NIBAN1: variants seen among roughly 807,000 people sequenced by gnomAD.
NIBAN1 encodes the protein protein Niban 1.
NIBAN1 carries 81 observed loss-of-function variants against 75.1 expected under a neutral mutation model. That is an observed-to-expected ratio of 1.08 (90% confidence interval 0.90 to 1.30). The LOEUF (loss-of-function observed/expected upper bound fraction) is 1.30. Ranked by LOEUF, NIBAN1 falls within the 50% of genes most tolerant of loss-of-function variation. NIBAN1 has a pLI of 0.00. For missense variants in NIBAN1, 1,133 were observed against 1,128.1 expected (o/e 1.00, Z -0.06); for synonymous variants, 436 against 424.8 (o/e 1.03, Z -0.32).
At chr1:184,892,635 T>C (rs1047159361) in intron 3 of NIBAN1, among the ~76,000 whole-genome samples, 2 of 152,218 alleles carry the variant, frequency 1.3e-5, no homozygotes, top group African/African-American at 4.8e-5. Flanking sequence ...TGGTAGCCTG[T>C]GAAATAAGTT....
chr1:184,815,423 T>C (rs1387656669), intron 9 of NIBAN1, among the ~76,000 whole-genome samples: 1 of 152,176 alleles, frequency 6.6e-6, no homozygotes, highest in African/African-American at 2.4e-5. Context: ...TTCACACTCC[T>C]GGAACTGTAC....
At chr1:184,942,837 C>T (rs1571592733) in intron 1 of NIBAN1, among the ~76,000 whole-genome samples, 1 of 152,270 alleles carries the variant, frequency 6.6e-6, no homozygotes, top group East Asian at 1.9e-4. Flanking sequence ...ACTGACAACG[C>T]AGCCAGCCCT....
At chr1:184,811,533 G>T (rs1356831604) in intron 9 of NIBAN1, among the ~76,000 whole-genome samples, 2 of 11,174 alleles carry the variant, frequency 1.8e-4, no homozygotes, top group Admixed American at 6.6e-4. Flanking sequence ...TTGAGACGGA[G>T]TCTCACTCTG....
intron 5 of NIBAN1, among the ~76,000 whole-genome samples, chr1:184,832,634 T>C (rs1655029874): frequency 2.0e-5 from 3 of 152,292 alleles, no homozygotes; most frequent in Middle Eastern, 3.4e-3. Context: ...AGGTGTGAAA[T>C]GTAGTCTGAC....
intron 2 of NIBAN1, among the ~76,000 whole-genome samples, chr1:184,896,854 G>A (rs1656812628): frequency 1.3e-5 from 2 of 152,050 alleles, no homozygotes; most frequent in Admixed American, 1.3e-4. Flanking sequence ...GTTGGTTGTA[G>A]GTATGTGGCT....
chr1:184,856,027 C>G lies in NIBAN1; in HGVS notation c.602-24065G>C, dbSNP rs116677322. Among the ~76,000 whole-genome samples the G allele has an allele frequency of 1.0e-2, 1,519 of 152,288 alleles. 22 individuals are homozygous for G. Among genetic ancestry groups the G allele is most frequent in the African/African-American group, 0.035 (1,448 of 41,558 alleles). ...AAAGCAAATGGGTTACGTAGTAATA[C>G]TGCTCTTTAAAAAGTGTTATTCTTC... On this transcript the variant is annotated intron_variant, in intron 5 of 13. Coordinates refer to ENST00000367511, the MANE Select transcript of NIBAN1 (RefSeq NM_052966.4).
intron 1 of NIBAN1, among the ~76,000 whole-genome samples, chr1:184,969,451 GAGA>G (rs755391373): frequency 1.3e-5 from 2 of 152,272 alleles, no homozygotes; most frequent in African/African-American, 4.8e-5. Context: ...TCAAAAGATG[GAGA>G]AGAAGTGCCC....
chr1:184,803,544 G>C, intron 12 of NIBAN1, 41 bp downstream of exon 12: 2 of 1,510,896 alleles, frequency 1.3e-6, no homozygotes, highest in Middle Eastern at 1.7e-4. Context: ...GAACTTCAGA[G>C]GTAAGAAGAG....
chr1:184,852,420 T>C (rs755322812), intron 5 of NIBAN1, among the ~76,000 whole-genome samples: 1 of 152,238 alleles, frequency 6.6e-6, no homozygotes, highest in East Asian at 1.9e-4. Flanking sequence ...GGTGCCCCAC[T>C]GCACTAGAAT....
intron 5 of NIBAN1, among the ~76,000 whole-genome samples, chr1:184,853,224 C>G (rs1480046969): frequency 6.6e-6 from 1 of 152,112 alleles, no homozygotes; most frequent in African/African-American, 2.4e-5. Context: ...GAAAAGCTAC[C>G]TTACTATTTC....
intron 1 of NIBAN1, among the ~76,000 whole-genome samples, chr1:184,965,728 C>T (rs1255237738): frequency 6.6e-6 from 1 of 152,178 alleles, no homozygotes; most frequent in South Asian, 2.1e-4. Flanking sequence ...ATGAAATAAT[C>T]TGTACAACAA....
chr1:184,806,533 T>A (rs906166968), intron 10 of NIBAN1, among the ~76,000 whole-genome samples: 1 of 152,096 alleles, frequency 6.6e-6, no homozygotes. Flanking sequence ...GTAGTTCAGG[T>A]ATCTTATTCT....
intron 2 of NIBAN1, among the ~76,000 whole-genome samples, chr1:184,894,679 T>A (rs1656753896): frequency 6.6e-6 from 1 of 152,122 alleles, no homozygotes; most frequent in Non-Finnish European, 1.5e-5. Context: ...TGCCTCCAAT[T>A]CTCAATGGTT....
chr1:184,867,528 C>T (rs1423086362), intron 5 of NIBAN1, among the ~76,000 whole-genome samples: 1 of 152,148 alleles, frequency 6.6e-6, no homozygotes, highest in Non-Finnish European at 1.5e-5. Flanking sequence ...ATCCTCCTCA[C>T]TAGGGATTTA....
At chr1:184,927,569 C>T (rs191503225) in intron 1 of NIBAN1, among the ~76,000 whole-genome samples, 2 of 152,248 alleles carry the variant, frequency 1.3e-5, no homozygotes, top group Admixed American at 6.5e-5. Context: ...CACCCAGTGA[C>T]CACCACCACT....
chr1:184,802,701 G>A (rs1267386708), intron 12 of NIBAN1, among the ~76,000 whole-genome samples: 2 of 152,146 alleles, frequency 1.3e-5, no homozygotes, highest in African/African-American at 4.8e-5. Context: ...CTGCCAAAAA[G>A]CCCTTTTTTA....
At chr1:184,972,888 A>G (rs234106) in intron 1 of NIBAN1, among the ~76,000 whole-genome samples, 81,168 of 152,066 alleles carry the variant, frequency 0.53, 22,937 homozygotes, top group African/African-American at 0.7. Context: ...ATGCGTCCAC[A>G]TTAGGTGCTC....
Position 184,898,483 on chromosome 1 carries a change from G to A in NIBAN1, c.186+696C>T, listed in dbSNP as rs150513294. On this transcript the variant is annotated intron_variant, in intron 2 of 13. Coordinates refer to ENST00000367511, the MANE Select transcript of NIBAN1 (RefSeq NM_052966.4). Reference sequence around the variant, plus strand: ...ATACAAAAATTAGCTGGGTGTGGTGGTGCGCACCTGTAATCCCAGCCACTC... The same window carrying A: ...ATACAAAAATTAGCTGGGTGTGGTGATGCGCACCTGTAATCCCAGCCACTC... Among the ~76,000 whole-genome samples, 21 of 152,188 alleles carry A rather than the reference G, an allele frequency of 1.4e-4. No homozygotes were observed. In the East Asian group the frequency reaches 3.5e-3, roughly 25 times the overall value.
At chr1:184,934,444 C>T (rs1657903328) in intron 1 of NIBAN1, among the ~76,000 whole-genome samples, 1 of 152,180 alleles carries the variant, frequency 6.6e-6, no homozygotes, top group South Asian at 2.1e-4. Context: ...AACAAACCTG[C>T]ACATCTACCC....
Sources: gnomAD v4.1 joint callset for allele counts (sites outside exome capture counted in the v4.1 genomes callset) on GRCh38, gnomAD v4.1.1 for gene constraint, MANE v1.5 for transcripts, NCBI Gene and HGNC (gene_info 2026-07-23, HGNC 2026-07-21) for gene names.